The following AGBL4 variants were observed in gnomAD, a reference collection of about 807,000 sequenced individuals.
AGBL4 encodes the protein cytosolic carboxypeptidase 6.
In AGBL4, 58 loss-of-function variants were observed where a neutral mutation model predicts 66.4. That is an observed-to-expected ratio of 0.87 (90% confidence interval 0.71 to 1.09). The LOEUF is 1.09. Ranked by LOEUF, AGBL4 falls within the 50% of genes least tolerant of loss-of-function variation. The pLI is 0.00. For synonymous variants in AGBL4, 234 were observed against 222.9 expected, an observed-to-expected ratio of 1.05 and a Z score of -0.44; for missense variants, 579 against 631.0, an observed-to-expected ratio of 0.92 and a Z score of 0.88.
At chr1:48,807,843 TG>T (rs55916862) in intron 6 of AGBL4, among the ~76,000 whole-genome samples, 1 of 151,698 alleles carries the variant, frequency 6.6e-6, no homozygotes, top group Non-Finnish European at 1.5e-5. Context: ...TGTATTGTTC[TG>T]GGCCAAGGAA....
intron 6 of AGBL4, among the ~76,000 whole-genome samples, chr1:48,698,086 C>T (rs1646741871): frequency 1.3e-5 from 2 of 152,172 alleles, no homozygotes; most frequent in East Asian, 3.9e-4. Flanking sequence ...CTGTGTTCTC[C>T]CTCCACTGTA....
intron 3 of AGBL4, among the ~76,000 whole-genome samples, chr1:49,558,884 T>A (rs925022651): frequency 6.6e-6 from 1 of 152,186 alleles, no homozygotes; most frequent in Non-Finnish European, 1.5e-5. Flanking sequence ...GTGGAAGTGC[T>A]GTGTCCTGTG....
chr1:49,009,708 G>A (rs77389322), intron 5 of AGBL4, among the ~76,000 whole-genome samples: 81,650 of 148,028 alleles, frequency 0.55, 23,023 homozygotes, highest in Non-Finnish European at 0.61. Flanking sequence ...TCCCTGGGAT[G>A]CAAGGCTGGT....
chr1:48,634,535 C>T lies in AGBL4; in HGVS notation c.909G>A (p.Leu303=). Residue 303 remains leucine (L), a synonymous_variant, in exon 9 of 14, where the codon CTG becomes CTA. Transcript: ENST00000371839. ...GGACGATGAGTTGTTTCACTCCATG[C>T]AGGGTAGGATGGACCCATGGAGAGG... ...LDPSPWVHPT[L]HGVKQLIVQM... The T allele has an allele frequency of 2.5e-6, 4 of 1,606,498 alleles. No individual in the cohort carries two copies. Among genetic ancestry groups the T allele is most frequent in the Non-Finnish European group, 2.5e-6 (3 of 1,176,498 alleles).
chr1:49,591,906 T>C (rs1644758484), intron 3 of AGBL4, among the ~76,000 whole-genome samples: 1 of 152,114 alleles, frequency 6.6e-6, no homozygotes, highest in Non-Finnish European at 1.5e-5. Flanking sequence ...TGAAAATCAA[T>C]TCCTTCCTTA....
chr1:48,725,625 G>A (rs910510360), intron 6 of AGBL4, among the ~76,000 whole-genome samples: 1 of 152,192 alleles, frequency 6.6e-6, no homozygotes, highest in Non-Finnish European at 1.5e-5. Context: ...CAGGGAAGAG[G>A]TAAAAGGGCA....
chr1:49,020,758 G>A lies in AGBL4; in HGVS notation c.594+24826C>T, dbSNP rs548535838. On this transcript the variant is annotated intron_variant, in intron 5 of 13. Coordinates refer to ENST00000371839, the MANE Select transcript of AGBL4 (RefSeq NM_032785.4). ...CTGGACAGTTTTCTCACCTTTGCCTGTACCTTCATCTGCTATTTTGTTTCC... is the reference window on the plus strand; with the variant it reads ...CTGGACAGTTTTCTCACCTTTGCCTATACCTTCATCTGCTATTTTGTTTCC... Among the ~76,000 whole-genome samples, 261 of 152,304 alleles carry A rather than the reference G, an allele frequency of 1.7e-3. 1 individual carries two copies. Among genetic ancestry groups the A allele is most frequent in the African/African-American group, 5.9e-3 (245 of 41,576 alleles).
At chr1:49,954,524 G>A (rs1035761138) in intron 1 of AGBL4, among the ~76,000 whole-genome samples, 2 of 151,894 alleles carry the variant, frequency 1.3e-5, no homozygotes, top group African/African-American at 2.4e-5. Context: ...CCAGATGCTG[G>A]TCCCTCCATC....
At chr1:49,760,938 CAT>C (rs1369173327) in intron 2 of AGBL4, among the ~76,000 whole-genome samples, 2 of 152,142 alleles carry the variant, frequency 1.3e-5, no homozygotes, top group African/African-American at 4.8e-5. Context: ...CCAAATATCA[CAT>C]GTTTTCCCTC....
chr1:48,901,196 A>G (rs1433564780), intron 5 of AGBL4, among the ~76,000 whole-genome samples: 1 of 152,312 alleles, frequency 6.6e-6, no homozygotes, highest in Non-Finnish European at 1.5e-5. Context: ...ATTAGAATGG[A>G]TAAAATTAAG....
intron 3 of AGBL4, among the ~76,000 whole-genome samples, chr1:49,638,300 A>G (rs1043678558): frequency 6.6e-6 from 1 of 152,206 alleles, no homozygotes; most frequent in East Asian, 1.9e-4. Flanking sequence ...TGTAGGCAAA[A>G]TTTAGAAGAA....
At chr1:49,370,407 G>C (rs1017339344) in intron 3 of AGBL4, among the ~76,000 whole-genome samples, 1 of 151,980 alleles carries the variant, frequency 6.6e-6, no homozygotes, top group Admixed American at 6.6e-5. Flanking sequence ...GGATTTCTAT[G>C]TTATGGTCTT....
chr1:49,717,639 C>T (rs1415812048), intron 2 of AGBL4, among the ~76,000 whole-genome samples: 1 of 152,040 alleles, frequency 6.6e-6, no homozygotes, highest in African/African-American at 2.4e-5. Flanking sequence ...ATTAAAATTA[C>T]TTATTTACTA....
At chr1:49,307,958 G>T (rs139461258) in intron 3 of AGBL4, among the ~76,000 whole-genome samples, 1 of 152,072 alleles carries the variant, frequency 6.6e-6, no homozygotes, top group African/African-American at 2.4e-5. Context: ...GGTGGGGCCC[G>T]GTGGGAGGTG....
chr1:49,364,470 T>G (rs1487529896), intron 3 of AGBL4, among the ~76,000 whole-genome samples: 2 of 152,080 alleles, frequency 1.3e-5, no homozygotes, highest in Non-Finnish European at 2.9e-5. Context: ...AAAACCACCA[T>G]GAGAGTAGTT....
chr1:48,822,403 T>C (rs1646336156), intron 6 of AGBL4, among the ~76,000 whole-genome samples: 1 of 152,210 alleles, frequency 6.6e-6, no homozygotes, highest in African/African-American at 2.4e-5. Flanking sequence ...AAATAATATA[T>C]TGAGGAAGCA....
intron 1 of AGBL4, among the ~76,000 whole-genome samples, chr1:49,944,507 T>C (rs1261310589): frequency 1.3e-5 from 2 of 151,776 alleles, no homozygotes; most frequent in Non-Finnish European, 2.9e-5. Flanking sequence ...CCTAGAAAAA[T>C]GGGAAGAGTA....
intron 3 of AGBL4, among the ~76,000 whole-genome samples, chr1:49,603,557 A>AATAAATAT (rs1319385391): frequency 1.3e-5 from 2 of 151,030 alleles, no homozygotes; most frequent in African/African-American, 4.9e-5. Flanking sequence ...TAAATAAATA[A>AATAAATAT]ATAAATAAAT....
At chr1:48,948,068 A>G (rs1656670335) in intron 5 of AGBL4, among the ~76,000 whole-genome samples, 1 of 152,138 alleles carries the variant, frequency 6.6e-6, no homozygotes, top group African/African-American at 2.4e-5. Context: ...CGAAAGCAAG[A>G]TGATTTTTCA....
Sources: gnomAD v4.1 joint callset for allele counts (sites outside exome capture counted in the v4.1 genomes callset) on GRCh38, gnomAD v4.1.1 for gene constraint, MANE v1.5 for transcripts, NCBI Gene and HGNC (gene_info 2026-07-23, HGNC 2026-07-21) for gene names.